HUNK: variants seen among roughly 807,000 people sequenced by gnomAD.
HUNK encodes hormonally up-regulated neu tumor-associated kinase.
Under a neutral mutation model 61.0 loss-of-function variants are expected in HUNK, and 21 were observed. That is an observed-to-expected ratio of 0.34 (90% CI 0.24 to 0.50). The LOEUF is 0.50. HUNK is among the 20% of genes least tolerant of loss of function. The probability of loss-of-function intolerance (pLI) is 0.98; values close to 1 mark genes in which losing one functional copy is unlikely to be tolerated. For synonymous variants in HUNK, 371 were observed against 386.1 expected (o/e 0.96, Z 0.46); for missense variants, 772 against 945.7 (o/e 0.82, Z 2.41).
chr21:31,895,100 A>G (rs758727573), intron 1 of HUNK, among the ~76,000 whole-genome samples: 1 of 152,212 alleles, frequency 6.6e-6, no homozygotes, highest in Non-Finnish European at 1.5e-5. Context: ...GTTCTGTAAG[A>G]GAAAGAGAAG....
At chr21:31,927,816 GC>G (rs1416346283) in intron 2 of HUNK, among the ~76,000 whole-genome samples, 1 of 152,138 alleles carries the variant, frequency 6.6e-6, no homozygotes, top group Non-Finnish European at 1.5e-5. Flanking sequence ...CATTGTCCAG[GC>G]CTTTTCTAGA....
chr21:31,959,146 A>G (rs3819152), intron 5 of HUNK, among the ~76,000 whole-genome samples, 176 bp downstream of exon 5: 22,013 of 152,120 alleles, frequency 0.14, 2,304 homozygotes, highest in African/African-American at 0.3. Context: ...CCGTCTCTCA[A>G]TGGCCACTCA....
chr21:31,932,376 A>G (rs1346253184), intron 2 of HUNK, among the ~76,000 whole-genome samples: 1 of 152,030 alleles, frequency 6.6e-6, no homozygotes. Context: ...GACTCAGTTT[A>G]TGGCGGCCAG....
chr21:31,994,322 T>C (rs796526433), intron 9 of HUNK, among the ~76,000 whole-genome samples: 51 of 152,258 alleles, frequency 3.3e-4, no homozygotes, highest in African/African-American at 1.2e-3. Flanking sequence ...GCATCCCCAC[T>C]TCCCACATCT....
At chr21:31,936,333 T>C (rs1455738467) in intron 2 of HUNK, among the ~76,000 whole-genome samples, 1 of 152,248 alleles carries the variant, frequency 6.6e-6, no homozygotes, top group Non-Finnish European at 1.5e-5. Context: ...AAGTGTTCTC[T>C]CTCTTCCTAT....
intron 7 of HUNK, among the ~76,000 whole-genome samples, chr21:31,980,935 C>T (rs187126214): frequency 4.7e-4 from 72 of 151,902 alleles, no homozygotes; most frequent in African/African-American, 1.7e-3. Flanking sequence ...AACTCCCAAC[C>T]TCAGGTGATC....
intron 5 of HUNK, among the ~76,000 whole-genome samples, chr21:31,961,430 G>T (rs529387298): frequency 3.3e-5 from 5 of 152,272 alleles, no homozygotes; most frequent in Non-Finnish European, 5.9e-5. Context: ...GAAATTGCTG[G>T]GTTGGGTAGT....
Position 32,000,366 on chromosome 21 carries a change from A to T in HUNK, c.*1182A>T, listed in dbSNP as rs2053238029. 2.5e-6 allele frequency: 1 copy of T among 398,974 alleles called. No individual in the cohort carries two copies. The highest frequency in any genetic ancestry group is 1.3e-4 in the South Asian group (1 of 7,850). 24.7% of individuals were successfully genotyped at this position (398,974 alleles called of 1,614,324 possible). A position where few individuals can be genotyped will look rare whatever the true frequency, so the allele number is the denominator to read the frequency against. The stretch of plus-strand genomic sequence containing the variant: ...AAGCTCCTCAAACAGGGTTCAGTCC[A>T]CGTTGTGTTTTCACACCTTTCTCCA... On this transcript the variant is annotated 3_prime_UTR_variant, in exon 11 of 11. Transcript: ENST00000270112.
At position 31,998,882 on chromosome 21, in the gene HUNK, T is replaced by G. The variant is rs1182748985; in HGVS notation, c.1843T>G (p.Leu615Val). Reference sequence around the variant, plus strand: ...AAGCATGTCGCCTCTCCATACTCCTTTGCATCCAACTCTGGTCTCTTTTGC... The same window carrying G: ...AAGCATGTCGCCTCTCCATACTCCTGTGCATCCAACTCTGGTCTCTTTTGC... The part of the protein sequence containing the change: ...SGSMSPLHTP[L>V]HPTLVSFAHE... Residue 615 changes from leucine to valine, a missense_variant, in exon 11 of 11, where the codon TTG (leucine) becomes GTG (valine). This residue lies in a region of HUNK where 413 missense variants were observed against 444.4 expected (regional missense o/e 0.93). Transcript: ENST00000270112. The G allele has an allele frequency of 6.2e-7, 1 of 1,614,168 alleles. No individual in the cohort carries two copies. Among genetic ancestry groups the G allele is most frequent in the East Asian group, 2.2e-5 (1 of 44,872 alleles).
chr21:31,958,581 T>C (rs115363195), intron 4 of HUNK, among the ~76,000 whole-genome samples: 2,221 of 152,026 alleles, frequency 0.015, 57 homozygotes, highest in African/African-American at 0.049. Flanking sequence ...AGGATGGAGG[T>C]GCTACACAGG....
chr21:31,919,462 G>A (rs566711338), intron 1 of HUNK, among the ~76,000 whole-genome samples: 10 of 152,294 alleles, frequency 6.6e-5, no homozygotes, highest in Non-Finnish European at 1.5e-4. Context: ...CCTGGCATGT[G>A]GGAACCAACA....
chr21:31,942,087 A>G (rs985657044), intron 3 of HUNK, among the ~76,000 whole-genome samples: 2 of 152,206 alleles, frequency 1.3e-5, no homozygotes, highest in Non-Finnish European at 2.9e-5. Context: ...GCGTGCGCCT[A>G]TAATCCCAGC....
Position 31,990,136 on chromosome 21 carries a change from T to G in HUNK, c.1265T>G (p.Leu422Arg). 4 of 1,613,936 alleles carry G rather than the reference T, an allele frequency of 2.5e-6. No individual in the cohort carries two copies. The African/African-American group carries it at 4.0e-5, about 16-fold the overall frequency. ...GGATGTTCCTTTTCACAGGCCTCTC[T>G]GGACACCTGGACACGAGATCTTGAA... ...RAPKESYEAS[L>R]DTWTRDLEFH... Residue 422 changes from leucine to arginine, a missense_variant, in exon 9 of 11, where the codon CTG (leucine) becomes CGG (arginine). By Grantham distance (102) the Leu-to-Arg change is moderately radical. This residue lies in a region of HUNK where 413 missense variants were observed against 444.4 expected (regional missense o/e 0.93). Coordinates refer to ENST00000270112, the MANE Select transcript of HUNK (RefSeq NM_014586.2).
At position 32,000,770 on chromosome 21, in the gene HUNK, C is replaced by T; in HGVS notation, c.*1586C>T. ...AGTTCTGAATCATTCTCTCATTCAC[C>T]AGTGGTGACATCCTTCAGTCCCTCA... On this transcript the variant is annotated 3_prime_UTR_variant, in exon 11 of 11. Coordinates refer to ENST00000270112, the MANE Select transcript of HUNK (RefSeq NM_014586.2). 1 of 398,622 alleles carries T rather than the reference C, an allele frequency of 2.5e-6. No homozygotes were observed. Among genetic ancestry groups the T allele is most frequent in the Non-Finnish European group, 4.4e-6 (1 of 226,080 alleles). 24.7% of individuals were successfully genotyped at this position (398,622 alleles called of 1,614,324 possible).
chr21:31,900,266 G>A (rs1399062485), intron 1 of HUNK, among the ~76,000 whole-genome samples: 4 of 152,076 alleles, frequency 2.6e-5, no homozygotes, highest in African/African-American at 9.7e-5. Context: ...GAAATGCCAC[G>A]TTAGTTCTTC....
intron 1 of HUNK, among the ~76,000 whole-genome samples, chr21:31,880,957 C>A (rs1568914957): frequency 6.6e-6 from 1 of 152,340 alleles, no homozygotes; most frequent in East Asian, 1.9e-4. Context: ...TGAGCTGGCC[C>A]TTCAGAGCTG....
At chr21:31,944,567 T>C (rs1214589188) in intron 3 of HUNK, among the ~76,000 whole-genome samples, 4 of 125,564 alleles carry the variant, frequency 3.2e-5, no homozygotes, top group Non-Finnish European at 6.7e-5. Context: ...GTGGGGTCTA[T>C]GGGTCTGGCT....
intron 10 of HUNK, 64 bp downstream of exon 10, chr21:31,996,012 C>A: frequency 8.0e-7 from 1 of 1,243,792 alleles, no homozygotes; most frequent in Non-Finnish European, 1.1e-6. Flanking sequence ...CTGTGTAGCC[C>A]TCACAGGGGA....
Position 31,873,792 on chromosome 21 carries a change from T to C in HUNK, c.118T>C (p.Trp40Arg). Residue 40 changes from tryptophan to arginine, a missense_variant, in exon 1 of 11, where the codon TGG becomes CGG. Physicochemically the swap from Trp to Arg is moderately radical, Grantham distance 101 (BLOSUM62 -3). Transcript: ENST00000270112. This position sits in a 1 kb window ranked among gnomAD's most constrained non-coding sequence, Gnocchi z 6.1. ...AACEGSFLPA[W>R]VSGVPRERLR... ...CTGCGAGGGAAGTTTCCTGCCTGCCTGGGTGAGCGGCGTGCCCCGCGAGCG... is the reference window on the plus strand; with the variant it reads ...CTGCGAGGGAAGTTTCCTGCCTGCCCGGGTGAGCGGCGTGCCCCGCGAGCG... 6.5e-7 allele frequency: 1 copy of C among 1,548,610 alleles called. No individual in the cohort carries two copies. Among genetic ancestry groups the C allele is most frequent in the Non-Finnish European group, 8.7e-7 (1 of 1,151,142 alleles).
Sources: gnomAD v4.1 joint callset for allele counts (sites outside exome capture counted in the v4.1 genomes callset) on GRCh38, gnomAD v4.1.1 for gene constraint, gnomAD v4.1.1 regional missense constraint, Gnocchi (gnomAD v3.1) non-coding constraint, MANE v1.5 for transcripts, NCBI Gene and HGNC (gene_info 2026-07-23, HGNC 2026-07-21) for gene names.